PCGF5: variants seen among roughly 807,000 people sequenced by gnomAD.
PCGF5 encodes the protein polycomb group ring finger 5.
In PCGF5, 9 loss-of-function variants were observed where a neutral mutation model predicts 44.3. The ratio of observed to expected loss-of-function variants is 0.20; its 90% CI spans 0.12 to 0.35. The LOEUF is 0.35. PCGF5 is among the 10% of genes least tolerant of loss of function. PCGF5 has a pLI of 1.00. For missense variants in PCGF5, 146 were observed against 305.3 expected, an observed-to-expected ratio of 0.48 and a Z score of 3.89; for synonymous variants, 95 against 102.5, an observed-to-expected ratio of 0.93 and a Z score of 0.44.
chr10:91,192,712 G>A (rs1190994681), intron 1 of PCGF5, among the ~76,000 whole-genome samples: 1 of 152,158 alleles, frequency 6.6e-6, no homozygotes, highest in Non-Finnish European at 1.5e-5. Context: ...TATATGGTTT[G>A]TTATAAGGTG....
chr10:91,254,230 G>T (rs1040312140), intron 6 of PCGF5, among the ~76,000 whole-genome samples: 2 of 151,390 alleles, frequency 1.3e-5, no homozygotes, highest in Non-Finnish European at 3.0e-5. Flanking sequence ...GTGTGTGTGT[G>T]TTGGAAACCA....
intron 1 of PCGF5, among the ~76,000 whole-genome samples, chr10:91,174,767 C>G (rs1440785175): frequency 6.6e-6 from 1 of 152,148 alleles, no homozygotes; most frequent in African/African-American, 2.4e-5. Context: ...AAGGATTCAT[C>G]TTTGGTGGCA....
intron 1 of PCGF5, among the ~76,000 whole-genome samples, chr10:91,164,156 AGT>A (rs1843451603): frequency 6.6e-6 from 1 of 152,168 alleles, no homozygotes; most frequent in South Asian, 2.1e-4. Flanking sequence ...ACCCAGGGAG[AGT>A]GGCCCCTCTG....
intron 2 of PCGF5, among the ~76,000 whole-genome samples, chr10:91,239,016 C>T (rs1406430204): frequency 6.6e-6 from 1 of 152,052 alleles, no homozygotes; most frequent in African/African-American, 2.4e-5. Flanking sequence ...ATTCATCCAA[C>T]AAAACTGCTC....
intron 1 of PCGF5, among the ~76,000 whole-genome samples, chr10:91,197,256 T>C (rs1844151731): frequency 6.6e-6 from 1 of 152,184 alleles, no homozygotes; most frequent in Non-Finnish European, 1.5e-5. Context: ...GGAAATCATC[T>C]GAAGGCTCGC....
At chr10:91,209,394 A>T (rs1458786563) in intron 1 of PCGF5, among the ~76,000 whole-genome samples, 1 of 152,222 alleles carries the variant, frequency 6.6e-6, no homozygotes, top group African/African-American at 2.4e-5. Flanking sequence ...GGATCATTTG[A>T]GACCAGGAGT....
At chr10:91,233,858 A>T (rs373746114) in intron 2 of PCGF5, among the ~76,000 whole-genome samples, 50 of 152,382 alleles carry the variant, frequency 3.3e-4, no homozygotes, top group African/African-American at 1.2e-3. Context: ...GTTGACAGAT[A>T]AAACCAACAC....
intron 3 of PCGF5, among the ~76,000 whole-genome samples, chr10:91,243,693 A>G (rs1045643867): frequency 1.3e-5 from 2 of 152,196 alleles, no homozygotes; most frequent in Non-Finnish European, 2.9e-5. Context: ...TTTAATTTCA[A>G]TTAAAACCTG....
intron 2 of PCGF5, among the ~76,000 whole-genome samples, chr10:91,229,985 T>C (rs1423084774): frequency 4.6e-5 from 7 of 152,198 alleles, no homozygotes; most frequent in African/African-American, 1.7e-4. Context: ...TGATGACTTT[T>C]TTTAAATAAG....
intron 6 of PCGF5, among the ~76,000 whole-genome samples, chr10:91,255,386 A>AT (rs1467446379): frequency 3.3e-5 from 5 of 152,154 alleles, no homozygotes; most frequent in African/African-American, 1.2e-4. Context: ...AGTTGTATGC[A>AT]TGTTCAGGAA....
chr10:91,257,548 T>A (rs911180510), intron 6 of PCGF5, among the ~76,000 whole-genome samples: 3 of 152,082 alleles, frequency 2.0e-5, no homozygotes, highest in Non-Finnish European at 4.4e-5. Context: ...CTGGTTTTTT[T>A]AATTTGATAA....
intron 9 of PCGF5, among the ~76,000 whole-genome samples, chr10:91,273,109 C>G (rs1433274577): frequency 6.6e-6 from 1 of 152,146 alleles, no homozygotes; most frequent in Non-Finnish European, 1.5e-5. Flanking sequence ...CTTTTAAGTC[C>G]TAGCTTTTCA....
chr10:91,167,194 T>C (rs985927115), intron 1 of PCGF5, among the ~76,000 whole-genome samples: 2 of 152,236 alleles, frequency 1.3e-5, no homozygotes, highest in African/African-American at 4.8e-5. Flanking sequence ...TTATTTTATA[T>C]GCTATATGAT....
At chr10:91,261,509 A>G in intron 7 of PCGF5, 85 bp downstream of exon 7, 1 of 1,276,698 alleles carries the variant, frequency 7.8e-7, no homozygotes, top group Non-Finnish European at 1.0e-6. Flanking sequence ...CTGAGAATAT[A>G]TTCAAATTAA....
chr10:91,223,547 T>C (rs944859157), intron 2 of PCGF5, among the ~76,000 whole-genome samples: 1 of 152,174 alleles, frequency 6.6e-6, no homozygotes, highest in African/African-American at 2.4e-5. Flanking sequence ...CTAGTAGTAG[T>C]ATACCTGTGG....
intron 7 of PCGF5, 40 bp from the exon 8 acceptor site, chr10:91,264,391 C>T: frequency 7.0e-7 from 1 of 1,435,438 alleles, no homozygotes; most frequent in Non-Finnish European, 9.4e-7. Flanking sequence ...CTTTTGAATT[C>T]AACATTATGT....
chr10:91,227,400 C>G (rs777360459), intron 2 of PCGF5: 12 of 1,288,772 alleles, frequency 9.3e-6, no homozygotes, highest in South Asian at 1.2e-5. Flanking sequence ...AGCATATCTA[C>G]GAATGATCAA....
intron 5 of PCGF5, among the ~76,000 whole-genome samples, chr10:91,250,335 A>G (rs1845593352): frequency 6.6e-6 from 1 of 151,952 alleles, no homozygotes; most frequent in Admixed American, 6.6e-5. Context: ...AAGCTTTTCT[A>G]CAAGTAATGT....
chr10:91,270,154 C>T (rs926515976), intron 8 of PCGF5, among the ~76,000 whole-genome samples: 1 of 152,220 alleles, frequency 6.6e-6, no homozygotes, highest in African/African-American at 2.4e-5. Flanking sequence ...CCTTAGCTTT[C>T]ATCGTGTACT....
Sources: allele counts gnomAD v4.1 joint callset (sites outside exome capture counted in the v4.1 genomes callset), GRCh38; gene constraint gnomAD v4.1.1; transcripts MANE v1.5; gene names NCBI Gene and HGNC (gene_info 2026-07-23, HGNC 2026-07-21).